The following PRKD3 variants were observed in gnomAD, a reference collection of about 807,000 sequenced individuals.
PRKD3 encodes protein kinase D3.
Under a neutral mutation model 99.2 loss-of-function variants are expected in PRKD3, and 47 were observed. The ratio of observed to expected loss-of-function variants is 0.47; its 90% CI spans 0.38 to 0.60. The LOEUF is 0.60. Among genes scored for constraint, PRKD3 ranks in the 20% least tolerant of loss-of-function variants. The pLI is 0.00. For synonymous variants in PRKD3, 392 were observed against 355.4 expected (o/e 1.10, Z -1.16); for missense variants, 1,019 against 1,088.4 (o/e 0.94, Z 0.90).
intron 17 of PRKD3, among the ~76,000 whole-genome samples, chr2:37,256,315 A>G (rs1290739188): frequency 1.3e-5 from 2 of 152,238 alleles, no homozygotes; most frequent in African/African-American, 4.8e-5. Flanking sequence ...TGGGAGCACC[A>G]TAAATGAAAG....
chr2:37,287,937 A>G (rs114350032), intron 5 of PRKD3, among the ~76,000 whole-genome samples: 162 of 152,330 alleles, frequency 1.1e-3, no homozygotes, highest in African/African-American at 3.8e-3. Flanking sequence ...TGAACTGACT[A>G]AAGTAAACCC....
At chr2:37,284,870 C>T (rs893237640) in intron 6 of PRKD3, among the ~76,000 whole-genome samples, 1 of 152,034 alleles carries the variant, frequency 6.6e-6, no homozygotes, top group Non-Finnish European at 1.5e-5. Context: ...TATACATGTG[C>T]CATGCTGGTG....
At chr2:37,290,431 G>A (rs916525978) in intron 4 of PRKD3, among the ~76,000 whole-genome samples, 10 of 151,956 alleles carry the variant, frequency 6.6e-5, no homozygotes, top group Admixed American at 2.6e-4. Flanking sequence ...ACAGGGTTTC[G>A]CCATGTTGGC....
At chr2:37,253,434 G>C (rs928976227) in intron 18 of PRKD3, 84 bp from the exon 19 acceptor site, 31 of 1,170,640 alleles carry the variant, frequency 2.6e-5, no homozygotes, top group Non-Finnish European at 3.7e-5. Context: ...TTTTTTTGTT[G>C]TTGTTTAGTG....
intron 5 of PRKD3, among the ~76,000 whole-genome samples, chr2:37,288,755 T>C (rs889556276): frequency 2.6e-5 from 4 of 152,162 alleles, no homozygotes; most frequent in African/African-American, 9.7e-5. Context: ...GTCTCAACTG[T>C]CTCATCTGTA....
At chr2:37,272,599 T>G (rs1294275799) in intron 11 of PRKD3, among the ~76,000 whole-genome samples, 167 bp from the exon 12 acceptor site, 1 of 152,144 alleles carries the variant, frequency 6.6e-6, no homozygotes, top group African/African-American at 2.4e-5. Context: ...GGAAACTAGA[T>G]AAAATATGAT....
chr2:37,315,935 G>A (rs527313672), intron 2 of PRKD3, among the ~76,000 whole-genome samples: 11 of 152,284 alleles, frequency 7.2e-5, no homozygotes, highest in Admixed American at 1.3e-4. Context: ...ATGTTGGCCA[G>A]GCTGGTCTCG....
chr2:37,265,106 C>A (rs1668748433), intron 14 of PRKD3, among the ~76,000 whole-genome samples: 1 of 151,994 alleles, frequency 6.6e-6, no homozygotes, highest in South Asian at 2.1e-4. Flanking sequence ...GTATCAACAG[C>A]AGGATGAACT....
intron 16 of PRKD3, 36 bp downstream of exon 16, chr2:37,259,547 C>T (rs1668243883): frequency 2.0e-6 from 3 of 1,514,220 alleles, no homozygotes; most frequent in Non-Finnish European, 2.7e-6. Flanking sequence ...GAAAATGTTG[C>T]CAGAATCATT....
intron 3 of PRKD3, among the ~76,000 whole-genome samples, chr2:37,292,240 CTG>C (rs1306920556): frequency 6.6e-6 from 1 of 152,058 alleles, no homozygotes. Flanking sequence ...TTCAGTGTAA[CTG>C]TTTTATTTCT....
chr2:37,259,945 A>G (rs1263474561), intron 15 of PRKD3, among the ~76,000 whole-genome samples: 1 of 152,180 alleles, frequency 6.6e-6, no homozygotes, highest in Non-Finnish European at 1.5e-5. Flanking sequence ...CAGGTGGATC[A>G]CTTGAGGCAA....
At chr2:37,269,071 T>C (rs1009198581) in intron 13 of PRKD3, 1 of 154,542 alleles carries the variant, frequency 6.5e-6, no homozygotes, top group Non-Finnish European at 1.4e-5. Context: ...ATATATTAAG[T>C]TTAATTAATA....
chr2:37,289,450 C>T lies in PRKD3; in HGVS notation c.623G>A (p.Arg208Lys). The stretch of plus-strand genomic sequence containing the variant: ...AGATACATTTGACAGACGTCTCTTT[C>T]TTACTCCACTACAGTTATTTGGAAT... ...FKIPNNCSGV[R>K]KRRLSNVSLP... The change falls in exon 5 of 19, where the codon AGA becomes AAA. Residue 208 changes from arginine (R) to lysine (K), a missense_variant. Coordinates refer to ENST00000234179, the MANE Select transcript of PRKD3 (RefSeq NM_005813.6). 6.2e-7 allele frequency: 1 copy of T among 1,613,860 alleles called. No individual in the cohort carries two copies. Among genetic ancestry groups the T allele is most frequent in the Non-Finnish European group, 8.5e-7 (1 of 1,179,810 alleles).
intron 2 of PRKD3, among the ~76,000 whole-genome samples, chr2:37,306,679 G>T (rs2300884): frequency 0.19 from 29,556 of 151,944 alleles, 3,841 homozygotes; most frequent in East Asian, 0.55. Context: ...CGTGGTGGCC[G>T]GAGTCTGTGG....
Position 37,272,392 on chromosome 2 carries a change from A to C in PRKD3, c.1692T>G (p.Ile564Met). 1 of 1,606,188 alleles carries C rather than the reference A, an allele frequency of 6.2e-7. No homozygotes were observed. Among genetic ancestry groups the C allele is most frequent in the Admixed American group, 1.7e-5 (1 of 57,844 alleles). Residue 564 changes from isoleucine to methionine, a missense_variant, in exon 12 of 19, where the codon ATT becomes ATG. Physicochemically the swap from Ile to Met is conservative, Grantham distance 10 (BLOSUM62 1). Around this residue, in one of 3 missense-constraint regions of PRKD3, gnomAD observed 710 missense variants for 692.7 expected, o/e 1.02. Transcript: ENST00000234179. ...STSISVSNCQ[I>M]QENVDISTVY... is the part of the protein sequence containing the mutation. ...AACGATTACTTACCACATTCTCCTGAATCTGACAATTAGATACAGAGATAC... is the reference window on the plus strand; with the variant it reads ...AACGATTACTTACCACATTCTCCTGCATCTGACAATTAGATACAGAGATAC...
chr2:37,282,774 AC>A (rs541241864), intron 6 of PRKD3, among the ~76,000 whole-genome samples, 155 bp from the exon 7 acceptor site: 2 of 151,630 alleles, frequency 1.3e-5, no homozygotes, highest in Non-Finnish European at 2.9e-5. Context: ...ACCCCTCTGC[AC>A]CCCCCCATCA....
Position 37,316,274 on chromosome 2 carries a change from G to A in PRKD3, c.251C>T (p.Ala84Val). 1.2e-6 allele frequency: 2 copies of A among 1,614,150 alleles called. No homozygotes were observed. The highest frequency in any genetic ancestry group is 8.5e-7 in the Non-Finnish European group (1 of 1,179,968). ...TATGGAGCACACAAGATCCTTGACA[G>A]CAGATAAAGACAGTTCCTGGGCTTC... ...TIEAQELSLS[A>V]VKDLVCSIVY... is the part of the protein sequence containing the mutation. The change falls in exon 2 of 19, where the codon GCT becomes GTT. Residue 84 changes from alanine to valine, a missense_variant. By Grantham distance (64) the Ala-to-Val change is moderately conservative (BLOSUM62 0). This residue lies in a region of PRKD3 where 710 missense variants were observed against 692.7 expected (regional missense o/e 1.02). Transcript: ENST00000234179.
rs987414921 is a variant in PRKD3 at position 37,272,416 on chromosome 2, A to G, written c.1668T>C (p.Ser556=). ...GAATCTGACAATTAGATACAGAGAT[A>G]CTTGTAGACAAATCTTCTGTAAAAT... is the stretch of plus-strand genomic sequence containing the variant. The part of the protein sequence containing the change: ...QGKDHKDLST[S]ISVSNCQIQE... Residue 556 remains serine (S), a synonymous_variant, in exon 12 of 19, where the codon AGT becomes AGC. Coordinates refer to ENST00000234179, the MANE Select transcript of PRKD3 (RefSeq NM_005813.6). 8 of 1,605,840 alleles carry G rather than the reference A, an allele frequency of 5.0e-6. No individual in the cohort carries two copies. Among genetic ancestry groups the G allele is most frequent in the Non-Finnish European group, 5.9e-6 (7 of 1,177,668 alleles).
At chr2:37,262,941 T>C (rs1002278291) in intron 14 of PRKD3, among the ~76,000 whole-genome samples, 2 of 150,840 alleles carry the variant, frequency 1.3e-5, no homozygotes, top group Admixed American at 6.6e-5. Flanking sequence ...ATTTTGTATA[T>C]TCTTCTTTGC....
Sources: gnomAD v4.1 joint callset for allele counts (sites outside exome capture counted in the v4.1 genomes callset) on GRCh38, gnomAD v4.1.1 for gene constraint, gnomAD v4.1.1 regional missense constraint, MANE v1.5 for transcripts, NCBI Gene and HGNC (gene_info 2026-07-23, HGNC 2026-07-21) for gene names.